ARMC2: variants seen among roughly 807,000 people sequenced by gnomAD.
The protein encoded by ARMC2 is armadillo repeat-containing protein 2.
Under a neutral mutation model 90.3 loss-of-function variants are expected in ARMC2, and 67 were observed. That is an observed-to-expected ratio of 0.74 (90% CI 0.61 to 0.91). The LOEUF (loss-of-function observed/expected upper bound fraction) is 0.91. Among genes scored for constraint, ARMC2 ranks in the 40% least tolerant of loss-of-function variants. The pLI, the probability that ARMC2 is intolerant of heterozygous loss-of-function variation, is 0.00. For missense variants in ARMC2, 920 were observed against 1,030.9 expected (o/e 0.89, Z 1.47); for synonymous variants, 393 against 393.0 (o/e 1.00, Z 0.00).
intron 6 of ARMC2, among the ~76,000 whole-genome samples, chr6:108,897,168 G>A (rs1408632601): frequency 2.0e-5 from 3 of 152,314 alleles, no homozygotes; most frequent in African/African-American, 7.2e-5. Context: ...AGCCTGATGG[G>A]AAGTCAGTTA....
the ARMC2 span, among the ~76,000 whole-genome samples, chr6:108,996,702 T>C: frequency 7.2e-5 from 11 of 152,152 alleles, no homozygotes; most frequent in African/African-American, 2.2e-4. Context: ...CTCTTTTTTC[T>C]TTCCCTTTAT....
At chr6:108,978,436 A>G (rs1779026374), downstream of ARMC2, among the ~76,000 whole-genome samples, 1 of 152,206 alleles carries the variant, frequency 6.6e-6, no homozygotes, top group Non-Finnish European at 1.5e-5. Flanking sequence ...ATTTTAGCAT[A>G]AGTGCAATGT....
chr6:108,964,167 T>A lies in ARMC2; in HGVS notation c.2153-13T>A. 6.2e-7 allele frequency: 1 copy of A among 1,609,804 alleles called. No individual in the cohort carries two copies. The highest frequency in any genetic ancestry group is 8.5e-7 in the Non-Finnish European group (1 of 1,178,526). The stretch of plus-strand genomic sequence containing the variant: ...AACTTTTACTGGTCTGCATTTGCTC[T>A]CTTCCCTCGTAGTCCACAGGTTCAT... On this transcript the variant is annotated splice_polypyrimidine_tract_variant and intron_variant, in intron 15 of 17. Transcript: ENST00000392644.
chr6:108,895,111 A>G (rs139517664), intron 6 of ARMC2, among the ~76,000 whole-genome samples: 220 of 151,518 alleles, frequency 1.5e-3, no homozygotes, highest in Middle Eastern at 6.9e-3. Context: ...TTGTAAAAGC[A>G]TTTGGAAAGT....
intron 13 of ARMC2, among the ~76,000 whole-genome samples, chr6:108,956,982 ACTCT>A (rs1414955166): frequency 2.6e-5 from 4 of 151,976 alleles, no homozygotes; most frequent in African/African-American, 9.7e-5. Context: ...ACAGAGTGAG[ACTCT>A]CTCTCTAAAG....
At chr6:108,941,165 A>G (rs1776405492) in intron 12 of ARMC2, among the ~76,000 whole-genome samples, 1 of 152,224 alleles carries the variant, frequency 6.6e-6, no homozygotes, top group Admixed American at 6.5e-5. Flanking sequence ...CTTAATGAGA[A>G]GAGCCTAAGG....
chr6:108,985,326 CA>C, the ARMC2 span, among the ~76,000 whole-genome samples: 5 of 152,200 alleles, frequency 3.3e-5, no homozygotes, highest in Admixed American at 6.5e-5. Context: ...GACCCTCAAC[CA>C]GAAATCTTCT....
chr6:108,925,251 A>T (rs891580389), intron 10 of ARMC2, among the ~76,000 whole-genome samples: 1 of 152,206 alleles, frequency 6.6e-6, no homozygotes. Context: ...TTTCAAAAAA[A>T]ATCTTAAAAT....
chr6:108,964,343 C>T, intron 16 of ARMC2, 31 bp downstream of exon 16: 3 of 1,602,522 alleles, frequency 1.9e-6, no homozygotes, highest in African/African-American at 1.3e-5. Flanking sequence ...TACTGACTCT[C>T]TCAGGATTTG....
intron 17 of ARMC2, among the ~76,000 whole-genome samples, chr6:108,969,129 C>T (rs1778580835): frequency 6.6e-6 from 1 of 152,148 alleles, no homozygotes. Flanking sequence ...AGTTTTGTGG[C>T]AGTGGGCACT....
chr6:109,001,674 G>C, the ARMC2 span, among the ~76,000 whole-genome samples: 1 of 152,170 alleles, frequency 6.6e-6, no homozygotes, highest in South Asian at 2.1e-4. Context: ...ATATTATATA[G>C]TAGGGGATAA....
chr6:108,965,236 G>A lies in ARMC2; in HGVS notation c.2446+96G>A. ...TCGGATAAATATTAGTATGCATTTA[G>A]GTGACTATATTTCTATAAGCAACAA... On this transcript the variant is annotated intron_variant, in intron 17 of 17. Transcript: ENST00000392644. 5 of 1,102,032 alleles carry A rather than the reference G, an allele frequency of 4.5e-6. No homozygotes were observed. The South Asian group carries it at 7.4e-5, about 16-fold the overall frequency. The allele number at this position is 1,102,032 out of a possible 1,614,324, so 68.3% of individuals were successfully genotyped here. A position where few individuals can be genotyped will look rare whatever the true frequency, so the allele number is the denominator to read the frequency against.
intron 3 of ARMC2, among the ~76,000 whole-genome samples, chr6:108,862,210 G>A (rs1422654457): frequency 2.0e-5 from 3 of 151,900 alleles, no homozygotes; most frequent in Non-Finnish European, 2.9e-5. Flanking sequence ...CAGGTGTGGT[G>A]GCGCATGCCT....
intron 2 of ARMC2, among the ~76,000 whole-genome samples, chr6:108,857,199 A>G (rs1165404370): frequency 2.6e-5 from 4 of 152,234 alleles, no homozygotes; most frequent in African/African-American, 9.6e-5. Context: ...CCTAGCCATG[A>G]AAATGGACGA....
chr6:108,925,615 T>C (rs1421562927), intron 10 of ARMC2, among the ~76,000 whole-genome samples: 2 of 152,190 alleles, frequency 1.3e-5, no homozygotes, highest in East Asian at 3.8e-4. Context: ...AACTGAATAT[T>C]ATCCTGGGAG....
chr6:108,937,418 T>C (rs1372171691), intron 12 of ARMC2, among the ~76,000 whole-genome samples: 1 of 152,132 alleles, frequency 6.6e-6, no homozygotes, highest in Non-Finnish European at 1.5e-5. Flanking sequence ...GCCATCTGCA[T>C]TTTAACAAGA....
chr6:109,036,402 T>G, the ARMC2 span, among the ~76,000 whole-genome samples: 1 of 152,158 alleles, frequency 6.6e-6, no homozygotes, highest in African/African-American at 2.4e-5. Flanking sequence ...ATGGAAAGCT[T>G]AACCATCATT....
chr6:109,040,194 C>T, the ARMC2 span, among the ~76,000 whole-genome samples: 1 of 152,138 alleles, frequency 6.6e-6, no homozygotes, highest in Non-Finnish European at 1.5e-5. Flanking sequence ...ACTACCCCCA[C>T]CACAACCCCC....
chr6:108,954,820 T>A (rs1777448667), intron 13 of ARMC2, among the ~76,000 whole-genome samples: 1 of 152,214 alleles, frequency 6.6e-6, no homozygotes, highest in South Asian at 2.1e-4. Context: ...ACATTCAGTT[T>A]CATTTATTCT....
Sources: gnomAD v4.1 joint callset for allele counts (sites outside exome capture counted in the v4.1 genomes callset) on GRCh38, gnomAD v4.1.1 for gene constraint, MANE v1.5 for transcripts, NCBI Gene and HGNC (gene_info 2026-07-23, HGNC 2026-07-21) for gene names.